PIK3C2G: variants seen among roughly 807,000 people sequenced by gnomAD.
The protein encoded by PIK3C2G is phosphatidylinositol 3-kinase C2 domain-containing subunit gamma.
In PIK3C2G, 168 loss-of-function variants were observed where a neutral mutation model predicts 181.1. The ratio of observed to expected loss-of-function variants is 0.93; its 90% CI spans 0.82 to 1.05. The LOEUF is 1.05. Ranked by LOEUF, PIK3C2G falls within the 50% of genes least tolerant of loss-of-function variation. The pLI is 0.00. For missense variants in PIK3C2G, 1,869 were observed against 1,732.8 expected, an observed-to-expected ratio of 1.08 and a Z score of -1.40; for synonymous variants, 573 against 592.2, an observed-to-expected ratio of 0.97 and a Z score of 0.47.
chr12:18,603,988 A>T (rs367664355), intron 30 of PIK3C2G, among the ~76,000 whole-genome samples: 1 of 152,200 alleles, frequency 6.6e-6, no homozygotes, highest in South Asian at 2.1e-4. Context: ...AACAAAAAAA[A>T]CAAAATGAAA....
chr12:18,387,527 C>T (rs1943253696), intron 14 of PIK3C2G, among the ~76,000 whole-genome samples: 1 of 152,096 alleles, frequency 6.6e-6, no homozygotes, highest in Non-Finnish European at 1.5e-5. Flanking sequence ...TGTGCCCTCG[C>T]CCCTTCACCC....
chr12:18,321,044 T>C lies in PIK3C2G; in HGVS notation c.1208+12T>C. 7.4e-7 allele frequency: 1 copy of C among 1,350,352 alleles called. No individual in the cohort carries two copies. Among genetic ancestry groups the C allele is most frequent in the Non-Finnish European group, 1.0e-6 (1 of 956,672 alleles). 83.6% of individuals were successfully genotyped at this position (1,350,352 alleles called of 1,614,324 possible). ...TGGAAAGTATCCAGGTAAGATATTT[T>C]ATATTTGTTCCAAGACTACTTTCTG... On this transcript the variant is annotated intron_variant, in intron 7 of 32. Transcript: ENST00000538779.
chr12:18,637,472 C>T (rs1048203088), intron 31 of PIK3C2G, among the ~76,000 whole-genome samples: 1 of 150,972 alleles, frequency 6.6e-6, no homozygotes, highest in Non-Finnish European at 1.5e-5. Flanking sequence ...TCAAGGAACA[C>T]ATAAAAGCTA....
chr12:18,607,577 G>C (rs1948097303), intron 30 of PIK3C2G, among the ~76,000 whole-genome samples: 1 of 152,124 alleles, frequency 6.6e-6, no homozygotes, highest in Non-Finnish European at 1.5e-5. Flanking sequence ...TTAAATGTTA[G>C]ACCTAAAACC....
At chr12:18,503,182 T>C (rs1401964120) in intron 22 of PIK3C2G, 99 bp from the exon 23 acceptor site, 12 of 760,574 alleles carry the variant, frequency 1.6e-5, no homozygotes, top group African/African-American at 3.6e-5. Flanking sequence ...AGGAAAGGGG[T>C]AATCCAGTAG....
the PIK3C2G span, chr12:18,719,731 T>C: frequency 1.3e-6 from 1 of 759,580 alleles, no homozygotes; most frequent in Non-Finnish European, 2.0e-6. Context: ...TAGTAGAGCA[T>C]ATTTCTAAAA....
At chr12:18,671,378 C>T in the PIK3C2G span, among the ~76,000 whole-genome samples, 1 of 151,800 alleles carries the variant, frequency 6.6e-6, no homozygotes, top group Non-Finnish European at 1.5e-5. Flanking sequence ...GAAACAGACA[C>T]ATGTAGGAGA....
chr12:18,453,712 C>T (rs1447117711), intron 18 of PIK3C2G, among the ~76,000 whole-genome samples: 1 of 151,806 alleles, frequency 6.6e-6, no homozygotes, highest in African/African-American at 2.4e-5. Context: ...GACCCTCTGT[C>T]AGTTTTGTTT....
At position 18,505,435 on chromosome 12, in the gene PIK3C2G, T is replaced by C. The variant is rs2136120530; in HGVS notation, c.3297T>C (p.His1099=). 8.1e-6 allele frequency: 13 copies of C among 1,613,336 alleles called. No homozygotes were observed. The highest frequency in any genetic ancestry group is 1.1e-5 in the Non-Finnish European group (13 of 1,179,572). ...TTGACTTTGGAAAATTCTTAGGTCA[T>C]GCACAAACATTTGGAGGGATAAAAA... ...FHIDFGKFLG[H]AQTFGGIKRD... is the part of the protein sequence containing the mutation. The change falls in exon 24 of 33, where the codon CAT becomes CAC. Residue 1099 remains histidine (H), a synonymous_variant. Coordinates refer to ENST00000538779, the MANE Select transcript of PIK3C2G (RefSeq NM_001288772.2).
intron 18 of PIK3C2G, among the ~76,000 whole-genome samples, chr12:18,468,152 C>T (rs957343569): frequency 1.3e-4 from 20 of 151,908 alleles, no homozygotes; most frequent in Admixed American, 7.2e-4. Context: ...GTCTGCTCTC[C>T]CTCTGAGAGT....
chr12:18,325,294 G>C (rs1951289010), intron 8 of PIK3C2G, among the ~76,000 whole-genome samples, 196 bp downstream of exon 8: 1 of 152,210 alleles, frequency 6.6e-6, no homozygotes, highest in Non-Finnish European at 1.5e-5. Flanking sequence ...AGCTGCTGAG[G>C]AAAGACTGTA....
At chr12:18,679,781 A>C in the PIK3C2G span, among the ~76,000 whole-genome samples, 3 of 152,002 alleles carry the variant, frequency 2.0e-5, no homozygotes, top group Non-Finnish European at 2.9e-5. Context: ...TTATGTACAC[A>C]TGGAAAGTAG....
intron 1 of PIK3C2G, among the ~76,000 whole-genome samples, chr12:18,265,340 GT>G (rs1370179736): frequency 1.3e-5 from 2 of 152,090 alleles, no homozygotes; most frequent in Non-Finnish European, 2.9e-5. Flanking sequence ...CAAAACAAAT[GT>G]TTTTGTATGA....
At chr12:18,482,835 G>A (rs1939688213) in intron 18 of PIK3C2G, among the ~76,000 whole-genome samples, 1 of 152,088 alleles carries the variant, frequency 6.6e-6, no homozygotes, top group African/African-American at 2.4e-5. Flanking sequence ...TCCTCACTGG[G>A]CTAATGACTC....
chr12:18,372,030 AT>A (rs1477536767), intron 13 of PIK3C2G, among the ~76,000 whole-genome samples: 2 of 152,172 alleles, frequency 1.3e-5, no homozygotes, highest in Non-Finnish European at 2.9e-5. Context: ...TATAAAGCAT[AT>A]TTTTCCCTCT....
chr12:18,273,059 G>A (rs188528871), intron 1 of PIK3C2G, among the ~76,000 whole-genome samples: 1 of 152,050 alleles, frequency 6.6e-6, no homozygotes, highest in East Asian at 1.9e-4. Context: ...GAGAGAGAGT[G>A]AGAAAGAGAG....
At chr12:18,713,371 A>G in the PIK3C2G span, among the ~76,000 whole-genome samples, 1,518 of 152,256 alleles carry the variant, frequency 1.0e-2, 29 homozygotes, top group African/African-American at 0.035. Context: ...TACCATTCAA[A>G]AGTGATAATG....
At chr12:18,493,640 T>C (rs1940766945) in intron 20 of PIK3C2G, 1 of 152,268 alleles carries the variant, frequency 6.6e-6, no homozygotes, top group Admixed American at 6.5e-5. Context: ...GCCATTATAG[T>C]TCACAAGTGA....
rs1565510674 is a variant in PIK3C2G at position 18,562,708 on chromosome 12, TAAAG to T, written c.3597_3600del (p.Ile1199MetfsTer11). On this transcript the variant is annotated frameshift_variant, in exon 27 of 33. Coordinates refer to ENST00000538779, the MANE Select transcript of PIK3C2G (RefSeq NM_001288772.2). LOFTEE classifies it high-confidence loss of function. ...TTTCTTTTACATTTCTCTAGGAAAA[TAAAG>T]GAAAGTCTGGAGTGTTTCCCTGTTA... is the stretch of plus-strand genomic sequence containing the variant. 1.3e-6 allele frequency: 2 copies of T among 1,575,560 alleles called. No individual in the cohort carries two copies. Among genetic ancestry groups the T allele is most frequent in the Non-Finnish European group, 1.7e-6 (2 of 1,153,642 alleles).
Sources: gnomAD v4.1 joint callset for allele counts (sites outside exome capture counted in the v4.1 genomes callset) on GRCh38, gnomAD v4.1.1 for gene constraint, MANE v1.5 for transcripts, NCBI Gene and HGNC (gene_info 2026-07-23, HGNC 2026-07-21) for gene names.